PCDHA1: variants seen among roughly 807,000 people sequenced by gnomAD.
PCDHA1 encodes the protein protocadherin alpha-1.
Under a neutral mutation model 61.3 loss-of-function variants are expected in PCDHA1, and 42 were observed. The observed-to-expected ratio is 0.69, with a 90% CI of 0.54 to 0.89. The LOEUF is 0.89. Ranked by LOEUF, PCDHA1 falls within the 40% of genes least tolerant of loss-of-function variation. The probability of loss-of-function intolerance (pLI) is 0.00; values close to 1 mark genes in which losing one functional copy is unlikely to be tolerated. For synonymous variants in PCDHA1, 610 were observed against 553.8 expected (o/e 1.10, Z -1.43); for missense variants, 1,256 against 1,235.3 (o/e 1.02, Z -0.25).
chr5:140,979,359 T>C (rs1554240585), intron 2 of PCDHA1, among the ~76,000 whole-genome samples: 1 of 152,206 alleles, frequency 6.6e-6, no homozygotes, highest in Non-Finnish European at 1.5e-5. Context: ...TACTCATGCT[T>C]TGAGACTTGG....
At chr5:141,005,490 TC>T (rs1451220963) in intron 3 of PCDHA1, among the ~76,000 whole-genome samples, 1 of 151,242 alleles carries the variant, frequency 6.6e-6, no homozygotes. Flanking sequence ...GATCATGAGG[TC>T]AGGAGATCGA....
At chr5:140,884,357 A>G (rs1562803365) in intron 1 of PCDHA1, 1 of 1,613,864 alleles carries the variant, frequency 6.2e-7, no homozygotes, top group Non-Finnish European at 8.5e-7. Flanking sequence ...GGTGGATGTC[A>G]ATGTTTACTT....
chr5:140,856,541 G>T lies in PCDHA1; in HGVS notation c.2394+67857G>T, dbSNP rs1554148841. 5.0e-6 allele frequency: 8 copies of T among 1,598,164 alleles called. 2 individuals carry two copies. Among genetic ancestry groups the T allele is most frequent in the South Asian group, 4.4e-5 (4 of 90,522 alleles). On this transcript the variant is annotated intron_variant, in intron 1 of 3. Transcript: ENST00000504120. ...ATCTGATGCGGATGTTGGAGAGAAC[G>T]CATTGCTTACTTACAAACTCAGTCC...
At chr5:140,955,233 T>A (rs1554221819) in intron 1 of PCDHA1, among the ~76,000 whole-genome samples, 1 of 152,198 alleles carries the variant, frequency 6.6e-6, no homozygotes, top group African/African-American at 2.4e-5. Flanking sequence ...TTTGTTCTTT[T>A]GCTTAGGATC....
intron 1 of PCDHA1, chr5:140,828,847 C>G (rs1177890960): frequency 6.2e-7 from 1 of 1,614,050 alleles, no homozygotes; most frequent in African/African-American, 1.3e-5. Flanking sequence ...TAAGAATATT[C>G]GAAAATGCAG....
chr5:140,881,039 A>G (rs1554171692), intron 1 of PCDHA1, among the ~76,000 whole-genome samples: 1 of 152,262 alleles, frequency 6.6e-6, no homozygotes, highest in Non-Finnish European at 1.5e-5. Context: ...CATTTCCTAT[A>G]GAGTTGTGCA....
At position 140,828,792 on chromosome 5, in the gene PCDHA1, A is replaced by G. The variant is rs1554131542; in HGVS notation, c.2394+40108A>G. 3 of 1,614,098 alleles carry G rather than the reference A, an allele frequency of 1.9e-6. No homozygotes were observed. The East Asian group carries it at 6.7e-5, about 36-fold the overall frequency. ...GTTCAGCTGCTGGTCACAGTGCTGG[A>G]TGTGAATGATAATGCTCCCACTTTC... On this transcript the variant is annotated intron_variant, in intron 1 of 3. Coordinates refer to ENST00000504120, the MANE Select transcript of PCDHA1 (RefSeq NM_018900.4).
At chr5:140,979,051 G>C in intron 2 of PCDHA1, 44 bp downstream of exon 2, 1 of 1,609,534 alleles carries the variant, frequency 6.2e-7, no homozygotes, top group East Asian at 2.2e-5. Flanking sequence ...ACCTTAACTT[G>C]GTATGGCTCA....
At chr5:140,905,343 G>C (rs2071757275) in intron 1 of PCDHA1, among the ~76,000 whole-genome samples, 1 of 152,148 alleles carries the variant, frequency 6.6e-6, no homozygotes, top group Non-Finnish European at 1.5e-5. Context: ...TCAGTTGGCT[G>C]TAAGTATTTG....
intron 1 of PCDHA1, chr5:140,809,380 G>A (rs1229745044): frequency 6.2e-7 from 1 of 1,614,040 alleles, no homozygotes; most frequent in Non-Finnish European, 8.5e-7. Context: ...CCGAGGGCGC[G>A]TGCGCTCCGG....
chr5:140,996,164 T>C (rs934521653), intron 3 of PCDHA1, among the ~76,000 whole-genome samples: 2 of 152,246 alleles, frequency 1.3e-5, no homozygotes, highest in African/African-American at 4.8e-5. Context: ...TATACTGCAA[T>C]GTGCTGACAG....
At chr5:140,843,758 A>T (rs2150366226) in intron 1 of PCDHA1, 1 of 1,503,376 alleles carries the variant, frequency 6.7e-7, no homozygotes, top group East Asian at 2.3e-5. Flanking sequence ...CTATTTGTGG[A>T]AATTGTAGTT....
chr5:140,836,509 G>C, intron 1 of PCDHA1: 1 of 1,613,894 alleles, frequency 6.2e-7, no homozygotes, highest in Non-Finnish European at 8.5e-7. Context: ...GCGGTGTCCA[G>C]TCTGTTGGTG....
At chr5:140,959,090 G>A (rs797041561) in intron 1 of PCDHA1, among the ~76,000 whole-genome samples, 2 of 151,986 alleles carry the variant, frequency 1.3e-5, no homozygotes, top group African/African-American at 2.4e-5. Flanking sequence ...CCTTGGTTTC[G>A]GACATTCAGC....
intron 3 of PCDHA1, among the ~76,000 whole-genome samples, chr5:140,989,486 A>G (rs1563557204): frequency 6.6e-6 from 1 of 152,190 alleles, no homozygotes; most frequent in African/African-American, 2.4e-5. Context: ...AGGTGCTTGA[A>G]CAAGAAAGAC....
intron 1 of PCDHA1, chr5:140,796,246 C>T: frequency 3.1e-6 from 5 of 1,614,148 alleles, no homozygotes; most frequent in Middle Eastern, 1.7e-4. Context: ...GGTGACCGCA[C>T]GGGACGGGGG....
intron 1 of PCDHA1, chr5:140,795,865 G>T: frequency 6.2e-7 from 1 of 1,613,946 alleles, no homozygotes; most frequent in Non-Finnish European, 8.5e-7. Flanking sequence ...CATCTCAGGG[G>T]AAATCAGAAC....
chr5:140,937,653 C>G (rs930742748), intron 1 of PCDHA1, among the ~76,000 whole-genome samples: 1 of 151,298 alleles, frequency 6.6e-6, no homozygotes, highest in Non-Finnish European at 1.5e-5. Context: ...TGGCTCACGC[C>G]TGTAATCCCA....
intron 1 of PCDHA1, among the ~76,000 whole-genome samples, chr5:140,819,220 C>T (rs1359956412): frequency 2.6e-5 from 4 of 152,084 alleles, no homozygotes; most frequent in Non-Finnish European, 5.9e-5. Flanking sequence ...TATACAATTG[C>T]TTCAACATTT....
Sources: gnomAD v4.1 joint callset for allele counts (sites outside exome capture counted in the v4.1 genomes callset) on GRCh38, gnomAD v4.1.1 for gene constraint, MANE v1.5 for transcripts, NCBI Gene and HGNC (gene_info 2026-07-23, HGNC 2026-07-21) for gene names.